CSMD1: variants seen among roughly 807,000 people sequenced by gnomAD.
CSMD1 encodes the protein CUB and Sushi multiple domains 1, also known as CUB and sushi domain-containing protein 1.
A neutral mutation model predicts 417.5 loss-of-function variants in CSMD1; 213 were observed. The ratio of observed to expected loss-of-function variants is 0.51; its 90% CI spans 0.46 to 0.57. The LOEUF (loss-of-function observed/expected upper bound fraction) is 0.57, where lower values mean the gene tolerates loss of function less well. Ranked by LOEUF, CSMD1 falls within the 20% of genes least tolerant of loss-of-function variation. CSMD1 has a pLI of 0.00. For synonymous variants in CSMD1, 2,862 were observed against 1,736.8 expected, an observed-to-expected ratio of 1.65 and a Z score of -16.11; for missense variants, 6,923 against 4,529.7, an observed-to-expected ratio of 1.53 and a Z score of -15.17.
At chr8:3,984,994 T>C (rs995727492) in intron 5 of CSMD1, among the ~76,000 whole-genome samples, 1 of 152,108 alleles carries the variant, frequency 6.6e-6, no homozygotes, top group African/African-American at 2.4e-5. Context: ...ATTCCGATAC[T>C]GGGAAAATCA....
At chr8:3,398,496 T>G (rs1336394814) in intron 16 of CSMD1, among the ~76,000 whole-genome samples, 1 of 152,142 alleles carries the variant, frequency 6.6e-6, no homozygotes, top group African/African-American at 2.4e-5. Context: ...ACCTTTCCTG[T>G]GTTGATGTTA....
At chr8:3,904,183 A>T (rs1807954672) in intron 5 of CSMD1, among the ~76,000 whole-genome samples, 1 of 152,160 alleles carries the variant, frequency 6.6e-6, no homozygotes, top group African/African-American at 2.4e-5. Flanking sequence ...GTTTCTGGAG[A>T]ACCGGCCTGT....
At chr8:3,425,834 A>G (rs2116998388) in intron 12 of CSMD1, among the ~76,000 whole-genome samples, 1 of 152,290 alleles carries the variant, frequency 6.6e-6, no homozygotes, top group African/African-American at 2.4e-5. Flanking sequence ...ATTGAGGTGA[A>G]GAACTATGAC....
intron 12 of CSMD1, among the ~76,000 whole-genome samples, chr8:3,433,315 C>G (rs1020265837): frequency 2.6e-5 from 4 of 152,210 alleles, no homozygotes; most frequent in African/African-American, 9.6e-5. Flanking sequence ...ATTTCCTTGA[C>G]AGGGACTTCC....
At chr8:4,000,086 C>A (rs1815547978) in intron 4 of CSMD1, among the ~76,000 whole-genome samples, 1 of 152,254 alleles carries the variant, frequency 6.6e-6, no homozygotes, top group African/African-American at 2.4e-5. Context: ...TGCCCACTAC[C>A]AAATGTCTGT....
chr8:3,480,371 T>TA (rs1817673174), intron 11 of CSMD1, among the ~76,000 whole-genome samples: 1 of 151,714 alleles, frequency 6.6e-6, no homozygotes, highest in African/African-American at 2.4e-5. Flanking sequence ...GTCTCAAAAA[T>TA]AAAAAATTAA....
At chr8:4,413,333 C>T (rs1245781589) in intron 3 of CSMD1, among the ~76,000 whole-genome samples, 1 of 152,110 alleles carries the variant, frequency 6.6e-6, no homozygotes, top group Non-Finnish European at 1.5e-5. Flanking sequence ...TGGGGCTGCC[C>T]AAACCAATTC....
chr8:4,233,413 G>A (rs927698182), intron 3 of CSMD1, among the ~76,000 whole-genome samples: 3 of 152,152 alleles, frequency 2.0e-5, no homozygotes, highest in Non-Finnish European at 4.4e-5. Flanking sequence ...AAATTCATGT[G>A]TTGAAAACCT....
At chr8:3,613,263 C>A (rs375568413) in intron 8 of CSMD1, 3 of 419,660 alleles carry the variant, frequency 7.1e-6, no homozygotes, top group South Asian at 3.4e-5. Flanking sequence ...AAATTCAATC[C>A]GTAATTAAAA....
intron 1 of CSMD1, among the ~76,000 whole-genome samples, chr8:4,648,180 T>G (rs1181476930): frequency 6.6e-6 from 1 of 152,244 alleles, no homozygotes; most frequent in Non-Finnish European, 1.5e-5. Context: ...TGTTGAGCTT[T>G]CTTTCTTATG....
intron 5 of CSMD1, among the ~76,000 whole-genome samples, chr8:3,944,326 G>A (rs1257115571): frequency 3.9e-5 from 6 of 152,062 alleles, no homozygotes; most frequent in African/African-American, 7.2e-5. Flanking sequence ...TTTGCATAAT[G>A]CCTTATTTTT....
At chr8:3,714,820 G>C (rs1175838992) in intron 6 of CSMD1, among the ~76,000 whole-genome samples, 3 of 152,026 alleles carry the variant, frequency 2.0e-5, no homozygotes, top group African/African-American at 7.2e-5. Flanking sequence ...ATGATTGCAA[G>C]ATAAAAATTA....
intron 54 of CSMD1, among the ~76,000 whole-genome samples, chr8:2,982,884 C>T (rs931135283): frequency 1.3e-5 from 2 of 152,144 alleles, no homozygotes; most frequent in African/African-American, 2.4e-5. Flanking sequence ...CCTGTCTGCA[C>T]GCTGGTCTCT....
intron 45 of CSMD1, chr8:3,106,950 G>C (rs1474875683): frequency 4.3e-6 from 1 of 234,664 alleles, no homozygotes; most frequent in South Asian, 8.6e-5. Flanking sequence ...AAGTAAAGTA[G>C]AAGCTATGGT....
intron 16 of CSMD1, among the ~76,000 whole-genome samples, chr8:3,397,656 G>C (rs1252287955): frequency 1.3e-5 from 2 of 152,184 alleles, no homozygotes; most frequent in Non-Finnish European, 2.9e-5. Flanking sequence ...AATTCAAGAA[G>C]TCTGGCTAAG....
intron 5 of CSMD1, among the ~76,000 whole-genome samples, chr8:3,957,701 GAA>G (rs1346891984): frequency 2.6e-4 from 31 of 119,108 alleles, no homozygotes; most frequent in African/African-American, 7.3e-4. Context: ...AAAAAGAAGA[GAA>G]GAGGAAAAGA....
chr8:4,662,536 T>C lies in CSMD1; in HGVS notation c.86-24978A>G, dbSNP rs115255082. Among the ~76,000 whole-genome samples, 497 of 152,364 alleles carry C rather than the reference T, an allele frequency of 3.3e-3. 1 individual carries two copies. Among genetic ancestry groups the C allele is most frequent in the African/African-American group, 0.011 (464 of 41,584 alleles). Reference sequence around the variant, plus strand: ...GTCCATCTGTGTTTTTCAGGCACTTTCGCTCGTCTCCCTGGAGAATGCTAA... The same window carrying C: ...GTCCATCTGTGTTTTTCAGGCACTTCCGCTCGTCTCCCTGGAGAATGCTAA... On this transcript the variant is annotated intron_variant, in intron 1 of 69. Coordinates refer to ENST00000635120, the MANE Select transcript of CSMD1 (RefSeq NM_033225.6).
chr8:3,111,168 T>C (rs1816492100), intron 42 of CSMD1, among the ~76,000 whole-genome samples: 1 of 152,068 alleles, frequency 6.6e-6, no homozygotes, highest in African/African-American at 2.4e-5. Flanking sequence ...TTGCCACAAA[T>C]GGTATAGAAT....
At chr8:4,481,982 G>T (rs1392439727) in intron 2 of CSMD1, among the ~76,000 whole-genome samples, 2 of 152,058 alleles carry the variant, frequency 1.3e-5, no homozygotes, top group Admixed American at 6.6e-5. Flanking sequence ...ATATTATATA[G>T]GCTTTATCAG....
Sources: gnomAD v4.1 joint callset for allele counts (sites outside exome capture counted in the v4.1 genomes callset) on GRCh38, gnomAD v4.1.1 for gene constraint, MANE v1.5 for transcripts, NCBI Gene and HGNC (gene_info 2026-07-23, HGNC 2026-07-21) for gene names.